EPHA4: variants seen among roughly 807,000 people sequenced by gnomAD.
EPHA4 encodes the protein EPH receptor A4.
Under a neutral mutation model 108.3 loss-of-function variants are expected in EPHA4, and 19 were observed. The ratio of observed to expected loss-of-function variants is 0.18; its 90% CI spans 0.12 to 0.26. The LOEUF (loss-of-function observed/expected upper bound fraction) is 0.26. EPHA4 is among the 10% of genes least tolerant of loss of function. The pLI is 1.00. For synonymous variants in EPHA4, 449 were observed against 455.5 expected, an observed-to-expected ratio of 0.99 and a Z score of 0.18; for missense variants, 917 against 1,254.0, an observed-to-expected ratio of 0.73 and a Z score of 4.06.
Position 221,571,885 on chromosome 2 carries a change from G to A in EPHA4, c.91+273C>T, listed in dbSNP as rs1694848821. Among the ~76,000 whole-genome samples the A allele has an allele frequency of 6.6e-6, 1 of 152,160 alleles. No individual in the cohort carries two copies. The highest frequency in any genetic ancestry group is 6.5e-5 in the Admixed American group (1 of 15,280). ...TGCATCCCCTCAGGGCGCCTCGAGC[G>A]GGCCTCTCTGGCGGATGCTGATAAA... On this transcript the variant is annotated intron_variant, in intron 1 of 17. Coordinates refer to ENST00000281821, the MANE Select transcript of EPHA4 (RefSeq NM_004438.5). The surrounding 1 kb of genome is among the most constrained non-coding windows in gnomAD (Gnocchi z 6.3).
At chr2:221,534,792 C>T in intron 3 of EPHA4, among the ~76,000 whole-genome samples, 1 of 152,094 alleles carries the variant, frequency 6.6e-6, no homozygotes, top group East Asian at 1.9e-4. Flanking sequence ...GTTGCTTTTC[C>T]ACCTCAAGAA....
At chr2:221,551,789 C>G (rs910996996) in intron 3 of EPHA4, among the ~76,000 whole-genome samples, 1 of 152,162 alleles carries the variant, frequency 6.6e-6, no homozygotes, top group South Asian at 2.1e-4. Flanking sequence ...TTTAAAGACG[C>G]TTTTCATTCA....
chr2:221,570,775 G>T (rs1310353098), intron 1 of EPHA4, among the ~76,000 whole-genome samples: 1 of 151,770 alleles, frequency 6.6e-6, no homozygotes, highest in Non-Finnish European at 1.5e-5. Flanking sequence ...TGGATGGATG[G>T]ATAGATGAAT....
chr2:221,499,756 A>ATATATAT (rs1334015871), intron 4 of EPHA4, among the ~76,000 whole-genome samples: 12 of 26,222 alleles, frequency 4.6e-4, no homozygotes, highest in Admixed American at 7.5e-4. Flanking sequence ...ATATATATAT[A>ATATATAT]TTTTTTTTTT....
rs566364217 is a variant in EPHA4 at position 221,519,941 on chromosome 2, G to A, written c.824-18769C>T. Among the ~76,000 whole-genome samples the A allele has an allele frequency of 1.1e-4, 16 of 151,802 alleles. No individual in the cohort carries two copies. The East Asian group carries it at 3.1e-3, about 29-fold the overall frequency. ...CGCCCTTTCTCTCCCTCTGGACTGA[G>A]ACCTCTTTATTTCCTCTGTAGTTTC... is the stretch of plus-strand genomic sequence containing the variant. On this transcript the variant is annotated intron_variant, in intron 3 of 17. Coordinates refer to ENST00000281821, the MANE Select transcript of EPHA4 (RefSeq NM_004438.5).
At chr2:221,516,729 T>C (rs1693000514) in intron 3 of EPHA4, among the ~76,000 whole-genome samples, 1 of 152,184 alleles carries the variant, frequency 6.6e-6, no homozygotes, top group African/African-American at 2.4e-5. Flanking sequence ...CAAATGCCAT[T>C]GAGCACATTA....
intron 5 of EPHA4, among the ~76,000 whole-genome samples, chr2:221,475,152 T>C (rs1391454014): frequency 6.6e-6 from 1 of 152,224 alleles, no homozygotes; most frequent in Non-Finnish European, 1.5e-5. Context: ...ATTACAGGCG[T>C]GAGCCGCTGC....
intron 3 of EPHA4, among the ~76,000 whole-genome samples, chr2:221,552,446 C>G (rs1455964357): frequency 1.3e-5 from 2 of 152,196 alleles, no homozygotes; most frequent in Non-Finnish European, 2.9e-5. Flanking sequence ...ACTTGGGCTA[C>G]TGACAGTCCT....
At chr2:221,428,007 G>A (rs1463169520) in intron 15 of EPHA4, among the ~76,000 whole-genome samples, 1 of 152,032 alleles carries the variant, frequency 6.6e-6, no homozygotes, top group Non-Finnish European at 1.5e-5. Context: ...TTCTGTAAAT[G>A]TTTACAGCAA....
At chr2:221,538,435 G>C (rs939310905) in intron 3 of EPHA4, among the ~76,000 whole-genome samples, 1 of 152,176 alleles carries the variant, frequency 6.6e-6, no homozygotes, top group Admixed American at 6.5e-5. Context: ...TAGCAGCCTA[G>C]AGCTATTAGA....
At chr2:221,449,224 C>T (rs1690693768) in intron 8 of EPHA4, among the ~76,000 whole-genome samples, 1 of 152,136 alleles carries the variant, frequency 6.6e-6, no homozygotes, top group Non-Finnish European at 1.5e-5. Flanking sequence ...CCTGTTCTAC[C>T]TTTAACACCT....
chr2:221,530,876 A>C (rs773851657), intron 3 of EPHA4, among the ~76,000 whole-genome samples: 1 of 152,068 alleles, frequency 6.6e-6, no homozygotes, highest in Non-Finnish European at 1.5e-5. Flanking sequence ...GGCAAATGGG[A>C]TTCTTGAAGC....
chr2:221,429,913 C>T lies in EPHA4; in HGVS notation c.2690+45G>A, dbSNP rs746643824. 3 of 1,605,628 alleles carry T rather than the reference C, an allele frequency of 1.9e-6. No individual in the cohort carries two copies. The African/African-American group carries it at 4.0e-5, about 21-fold the overall frequency. On this transcript the variant is annotated intron_variant, in intron 15 of 17. Transcript: ENST00000281821. Reference sequence around the variant, plus strand: ...GTGAGTCACCACTTGCCTGCCTCCTCTAATGTGTTCTTTCATACATCACTA... The same window carrying T: ...GTGAGTCACCACTTGCCTGCCTCCTTTAATGTGTTCTTTCATACATCACTA...
chr2:221,472,634 A>G (rs560071355), intron 5 of EPHA4, among the ~76,000 whole-genome samples: 1 of 145,450 alleles, frequency 6.9e-6, no homozygotes, highest in African/African-American at 2.5e-5. Context: ...AGTGATAAAC[A>G]AACTGCCTGA....
At chr2:221,562,660 C>T (rs1271154747) in intron 3 of EPHA4, among the ~76,000 whole-genome samples, 5 of 152,134 alleles carry the variant, frequency 3.3e-5, no homozygotes, top group African/African-American at 1.2e-4. Flanking sequence ...TTTGTAGTAA[C>T]CATAATGGAT....
At chr2:221,555,151 G>T (rs1694268820) in intron 3 of EPHA4, among the ~76,000 whole-genome samples, 1 of 152,132 alleles carries the variant, frequency 6.6e-6, no homozygotes, top group African/African-American at 2.4e-5. Flanking sequence ...GCCGGAGAGT[G>T]ACAACCAGCC....
intron 3 of EPHA4, among the ~76,000 whole-genome samples, chr2:221,532,432 A>G (rs1376883041): frequency 6.6e-6 from 1 of 152,162 alleles, no homozygotes; most frequent in Non-Finnish European, 1.5e-5. Context: ...CAGATAGTTC[A>G]ATTTATTCTA....
chr2:221,526,674 C>T (rs538231519), intron 3 of EPHA4, among the ~76,000 whole-genome samples: 71 of 151,866 alleles, frequency 4.7e-4, no homozygotes, highest in Middle Eastern at 6.8e-3. Context: ...TGGTGAAACC[C>T]GCTCTCTACT....
chr2:221,544,001 C>T (rs1276848766), intron 3 of EPHA4, among the ~76,000 whole-genome samples: 2 of 152,154 alleles, frequency 1.3e-5, no homozygotes, highest in African/African-American at 4.8e-5. Context: ...GGCTCCTAGA[C>T]AGTGCCTTCT....
Sources: gnomAD v4.1 joint callset for allele counts (sites outside exome capture counted in the v4.1 genomes callset) on GRCh38, gnomAD v4.1.1 for gene constraint, Gnocchi (gnomAD v3.1) non-coding constraint, MANE v1.5 for transcripts, NCBI Gene and HGNC (gene_info 2026-07-23, HGNC 2026-07-21) for gene names.